COL6A6: variants seen among roughly 807,000 people sequenced by gnomAD.
COL6A6 encodes collagen alpha-6(VI) chain.
A neutral mutation model predicts 208.6 loss-of-function variants in COL6A6; 183 were observed. That is an observed-to-expected ratio of 0.88 (90% confidence interval 0.78 to 0.99). The LOEUF (loss-of-function observed/expected upper bound fraction) is 0.99. Ranked by LOEUF, COL6A6 falls within the 50% of genes least tolerant of loss-of-function variation. The pLI is 0.00. For missense variants in COL6A6, 2,816 were observed against 2,815.2 expected (o/e 1.00, Z -0.01); for synonymous variants, 973 against 1,011.8 (o/e 0.96, Z 0.73).
intron 1 of COL6A6, among the ~76,000 whole-genome samples, chr3:130,555,762 T>TGG (rs1474344078): frequency 6.6e-6 from 1 of 152,166 alleles, no homozygotes; most frequent in Non-Finnish European, 1.5e-5. Flanking sequence ...GTTTTTTTTG[T>TGG]GGGGTTTTAA....
chr3:130,553,260 T>G (rs1158240256), intron 1 of COL6A6, among the ~76,000 whole-genome samples: 5 of 152,242 alleles, frequency 3.3e-5, no homozygotes, highest in African/African-American at 1.2e-4. Flanking sequence ...GTTTGTTTGC[T>G]TTCTTTCTCT....
At chr3:130,581,968 C>A (rs1302732638) in intron 9 of COL6A6, 22 bp from the exon 10 acceptor site, 18 of 1,598,774 alleles carry the variant, frequency 1.1e-5, no homozygotes, top group Non-Finnish European at 1.5e-5. Context: ...ATTCATTTTA[C>A]TTTTTTTGAA....
chr3:130,649,499 G>T lies in COL6A6; in HGVS notation c.5670G>T (p.Ala1890=). 6.2e-7 allele frequency: 1 copy of T among 1,606,356 alleles called. No individual in the cohort carries two copies. Among genetic ancestry groups the T allele is most frequent in the East Asian group, 2.2e-5 (1 of 44,598 alleles). Residue 1890 remains alanine, a synonymous_variant, in exon 33 of 37, where the codon GCG becomes GCT. Coordinates refer to ENST00000358511, the MANE Select transcript of COL6A6 (RefSeq NM_001102608.3). The part of the protein sequence containing the change: ...SITTAAMEFG[A]LEIIPVVITF... ...CCACGGCTGCCATGGAGTTCGGCGCGCTTGAAATCATTCCCGTGGTGATCA... is the reference window on the plus strand; with the variant it reads ...CCACGGCTGCCATGGAGTTCGGCGCTCTTGAAATCATTCCCGTGGTGATCA...
chr3:130,592,238 C>T (rs2063734529), intron 13 of COL6A6, among the ~76,000 whole-genome samples: 1 of 152,018 alleles, frequency 6.6e-6, no homozygotes, highest in Admixed American at 6.6e-5. Flanking sequence ...AAGACAGGTC[C>T]TAATTTGTGC....
chr3:130,594,430 A>C, intron 18 of COL6A6, 87 bp downstream of exon 18: 1 of 990,422 alleles, frequency 1.0e-6, no homozygotes. Flanking sequence ...GTACTACAAT[A>C]GTAACCCTGA....
At chr3:130,591,612 A>T (rs1356608873) in intron 13 of COL6A6, among the ~76,000 whole-genome samples, 1 of 152,248 alleles carries the variant, frequency 6.6e-6, no homozygotes, top group Non-Finnish European at 1.5e-5. Flanking sequence ...TGCCTGGCAG[A>T]TTATCAGATA....
chr3:130,566,397 G>A (rs750358296), intron 4 of COL6A6, among the ~76,000 whole-genome samples: 7 of 152,144 alleles, frequency 4.6e-5, no homozygotes, highest in Non-Finnish European at 8.8e-5. Context: ...TTGCTAAGCA[G>A]TTATTTACTA....
rs143256559 is a variant in COL6A6, at chr3:130,596,143, C to T, written c.4533+1800C>T. ...CTGTATTTAAAAACAGAGGAATTTGCGCATGAGGAAAACATTGTTGACTAA... is the reference window on the plus strand; with the variant it reads ...CTGTATTTAAAAACAGAGGAATTTGTGCATGAGGAAAACATTGTTGACTAA... On this transcript the variant is annotated intron_variant, in intron 18 of 36. Transcript: ENST00000358511. Among the ~76,000 whole-genome samples the T allele has an allele frequency of 6.5e-3, 985 of 152,202 alleles. 16 individuals carry two copies. The highest frequency in any genetic ancestry group is 0.022 in the African/African-American group (913 of 41,530).
chr3:130,561,708 A>G (rs1385640390), intron 2 of COL6A6, among the ~76,000 whole-genome samples: 8 of 132,928 alleles, frequency 6.0e-5, no homozygotes, highest in African/African-American at 2.1e-4. Flanking sequence ...TGCGGACTGC[A>G]GTGGCGCAAT....
intron 32 of COL6A6, among the ~76,000 whole-genome samples, chr3:130,648,007 G>A (rs1031244483): frequency 6.6e-6 from 1 of 152,146 alleles, no homozygotes; most frequent in African/African-American, 2.4e-5. Flanking sequence ...AACTTAGAAG[G>A]TCAGCAGATC....
At chr3:130,550,144 G>C (rs2062610449) in intron 1 of COL6A6, among the ~76,000 whole-genome samples, 1 of 151,770 alleles carries the variant, frequency 6.6e-6, no homozygotes, top group Non-Finnish European at 1.5e-5. Context: ...ACTGATTCTT[G>C]TACATTGATT....
At chr3:130,578,521 A>G (rs1383423708) in intron 8 of COL6A6, among the ~76,000 whole-genome samples, 1 of 152,182 alleles carries the variant, frequency 6.6e-6, no homozygotes, top group Non-Finnish European at 1.5e-5. Context: ...GCCACAGCTT[A>G]AGAAAGCATA....
chr3:130,522,512 C>T (rs990411808), intron 1 of COL6A6, among the ~76,000 whole-genome samples: 4 of 152,190 alleles, frequency 2.6e-5, no homozygotes, highest in Admixed American at 2.6e-4. Flanking sequence ...ATCCCCTCCA[C>T]AGGTTGGGTC....
At chr3:130,585,791 C>CAGATTT (rs1468028564) in intron 10 of COL6A6, among the ~76,000 whole-genome samples, 1 of 152,148 alleles carries the variant, frequency 6.6e-6, no homozygotes, top group Admixed American at 6.5e-5. Flanking sequence ...CTGTGCTTTT[C>CAGATTT]AGATTTTAAT....
intron 1 of COL6A6, among the ~76,000 whole-genome samples, chr3:130,554,845 A>G (rs1213861093): frequency 6.6e-6 from 1 of 152,070 alleles, no homozygotes; most frequent in African/African-American, 2.4e-5. Flanking sequence ...GCTAGTGTAT[A>G]TTGGCAGGGA....
intron 23 of COL6A6, among the ~76,000 whole-genome samples, 198 bp downstream of exon 23, chr3:130,610,909 G>A (rs1347193389): frequency 6.6e-6 from 1 of 152,108 alleles, no homozygotes; most frequent in Admixed American, 6.5e-5. Flanking sequence ...AGACACAGAG[G>A]TAGAAAATCT....
intron 35 of COL6A6, among the ~76,000 whole-genome samples, chr3:130,662,580 T>A (rs1295650053): frequency 6.6e-6 from 1 of 152,186 alleles, no homozygotes; most frequent in East Asian, 1.9e-4. Flanking sequence ...TCTGTCTTCA[T>A]GGAGCAGTGC....
intron 1 of COL6A6, among the ~76,000 whole-genome samples, chr3:130,520,607 G>T (rs1004411932): frequency 6.6e-6 from 1 of 152,178 alleles, no homozygotes; most frequent in African/African-American, 2.4e-5. Flanking sequence ...GTAATATTTG[G>T]TAAGTGAAGG....
chr3:130,561,898 C>T (rs1027703743), intron 2 of COL6A6, among the ~76,000 whole-genome samples: 1 of 151,318 alleles, frequency 6.6e-6, no homozygotes, highest in Non-Finnish European at 1.5e-5. Flanking sequence ...ATGATCCACC[C>T]GCCTCGGCCT....
Sources: gnomAD v4.1 joint callset for allele counts (sites outside exome capture counted in the v4.1 genomes callset) on GRCh38, gnomAD v4.1.1 for gene constraint, MANE v1.5 for transcripts, NCBI Gene and HGNC (gene_info 2026-07-23, HGNC 2026-07-21) for gene names.